The following ABCA1 variants were observed in gnomAD, a reference collection of about 807,000 sequenced individuals.
ABCA1 encodes the protein ATP binding cassette subfamily A member 1.
Under a neutral mutation model 262.5 loss-of-function variants are expected in ABCA1, and 133 were observed. The observed-to-expected ratio is 0.51, with a 90% CI of 0.44 to 0.59. The LOEUF (loss-of-function observed/expected upper bound fraction) is 0.59. Among genes scored for constraint, ABCA1 ranks in the 20% least tolerant of loss-of-function variants. ABCA1 has a pLI of 0.00. For synonymous variants in ABCA1, 1,022 were observed against 1,043.5 expected, an observed-to-expected ratio of 0.98 and a Z score of 0.40; for missense variants, 2,452 against 2,777.5, an observed-to-expected ratio of 0.88 and a Z score of 2.63.
chr9:104,788,551 G>T lies in ABCA1; in HGVS notation c.5944C>A (p.His1982Asn). The T allele has an allele frequency of 6.2e-7, 1 of 1,614,146 alleles. No homozygotes were observed. The highest frequency in any genetic ancestry group is 8.5e-7 in the Non-Finnish European group (1 of 1,180,018). ...TAGCCCATGTTCTGATGTACTTCAT[G>T]GATGTTTGATAAGATACTGCAAAGG... ...LNKNSILSNI[H>N]EVHQNMGYCP... is the part of the protein sequence containing the mutation. The change falls in exon 45 of 50, where the codon CAT (histidine) becomes AAT (asparagine). Residue 1982 changes from histidine (H) to asparagine (N), a missense_variant. Around this residue, in one of 4 missense-constraint regions of ABCA1, gnomAD observed 752 missense variants for 944.5 expected, o/e 0.80. Transcript: ENST00000374736.
chr9:104,859,914 G>A (rs1008221779), intron 6 of ABCA1, among the ~76,000 whole-genome samples: 1 of 152,056 alleles, frequency 6.6e-6, no homozygotes, highest in African/African-American at 2.4e-5. Context: ...AATTAGCCAG[G>A]TGTGGTGGTG....
Position 104,796,256 on chromosome 9 carries a change from G to A in ABCA1, c.5237+53C>T, listed in dbSNP as rs1046426107. On this transcript the variant is annotated intron_variant, in intron 38 of 49. Coordinates refer to ENST00000374736, the MANE Select transcript of ABCA1 (RefSeq NM_005502.4). ...GAGTCCCTGCCCTCCTTCTGACACT[G>A]GGCACCAAATGCCTTATCCACTGTG... 6.4e-5 allele frequency: 103 copies of A among 1,613,738 alleles called. 1 individual carries two copies. In the Middle Eastern group the frequency reaches 8.2e-4, roughly 13 times the overall value.
rs1832658639 is a variant in ABCA1, at chr9:104,824,578, C to T, written c.2543G>A (p.Gly848Asp). The change falls in exon 18 of 50, where the codon GGC becomes GAC. Residue 848 changes from glycine to aspartate, a missense_variant and splice_region_variant. Gly to Asp is a moderately conservative substitution (Grantham distance 94, BLOSUM62 -1). Around this residue, in one of 4 missense-constraint regions of ABCA1, gnomAD observed 1,032 missense variants for 1,089.7 expected, o/e 0.95. Coordinates refer to ENST00000374736, the MANE Select transcript of ABCA1 (RefSeq NM_005502.4). Reference sequence around the variant, plus strand: ...CCAGGGCCTGGGAATTCCGTACTGGCCTGAAAGCAAAGCACAGGTATGAGC... The same window carrying T: ...CCAGGGCCTGGGAATTCCGTACTGGTCTGAAAGCAAAGCACAGGTATGAGC... ...MTWYIEAVFPGQYGIPRPWYF... is the reference protein window; with the variant it reads ...MTWYIEAVFPDQYGIPRPWYF... 6.2e-7 allele frequency: 1 copy of T among 1,613,342 alleles called. No homozygotes were observed. The highest frequency in any genetic ancestry group is 1.7e-5 in the Admixed American group (1 of 59,988).
At chr9:104,920,236 T>A (rs2791952) in intron 1 of ABCA1, among the ~76,000 whole-genome samples, 2 of 152,328 alleles carry the variant, frequency 1.3e-5, no homozygotes, top group Admixed American at 6.5e-5. Flanking sequence ...ATGTGTATTT[T>A]TTCTGAAGAG....
At chr9:104,913,761 C>T (rs926722005) in intron 1 of ABCA1, among the ~76,000 whole-genome samples, 2 of 151,994 alleles carry the variant, frequency 1.3e-5, no homozygotes, top group Admixed American at 6.6e-5. Context: ...TAGCACACTG[C>T]CACCTCCCTA....
At chr9:104,784,539 A>C (rs563191776) in intron 49 of ABCA1, 84 bp from the exon 50 acceptor site, 1 of 1,539,108 alleles carries the variant, frequency 6.5e-7, no homozygotes, top group African/African-American at 1.4e-5. Flanking sequence ...CAGATGTTGA[A>C]ATTAGGTCAA....
At chr9:104,855,892 A>G in intron 7 of ABCA1, 1 of 1,612,910 alleles carries the variant, frequency 6.2e-7, no homozygotes, top group Non-Finnish European at 8.5e-7. Context: ...AAACAGGGAA[A>G]CACTCACGCA....
intron 7 of ABCA1, chr9:104,855,997 A>T: frequency 6.2e-7 from 1 of 1,612,834 alleles, no homozygotes; most frequent in Non-Finnish European, 8.5e-7. Context: ...TCTCCCCATC[A>T]TGTTGGGCTT....
At chr9:104,880,753 T>C (rs1435515256) in intron 5 of ABCA1, among the ~76,000 whole-genome samples, 1 of 152,206 alleles carries the variant, frequency 6.6e-6, no homozygotes, top group African/African-American at 2.4e-5. Context: ...GACATAATAA[T>C]ACACTCAAAA....
chr9:104,916,919 G>T (rs10991410), intron 1 of ABCA1, among the ~76,000 whole-genome samples: 11,759 of 152,230 alleles, frequency 0.077, 738 homozygotes, highest in East Asian at 0.35. Flanking sequence ...TGGGACTTGG[G>T]TATTCAGTAG....
intron 7 of ABCA1, among the ~76,000 whole-genome samples, chr9:104,856,573 T>C (rs764233303): frequency 2.1e-4 from 32 of 152,228 alleles, no homozygotes; most frequent in Non-Finnish European, 4.0e-4. Flanking sequence ...AAACCTGAGC[T>C]GTTAATTATC....
In ABCA1 at chr9:104,863,173, CT is replaced by C. The variant is rs556581014; in HGVS notation, c.422-1374del. 1.9e-3 allele frequency among the ~76,000 whole-genome samples: 292 copies of C among 152,218 alleles called. 2 individuals carry two copies. In the Middle Eastern group the frequency reaches 0.02, roughly 11 times the overall value. On this transcript the variant is annotated intron_variant, in intron 5 of 49. Coordinates refer to ENST00000374736, the MANE Select transcript of ABCA1 (RefSeq NM_005502.4). ...TGTGTCTGGTGGCGTCCCTGCGTACCTCATGTCATCTTTCTGAACCTCAATT... is the reference window on the plus strand; with the variant it reads ...TGTGTCTGGTGGCGTCCCTGCGTACCCATGTCATCTTTCTGAACCTCAATT...
Position 104,822,650 on chromosome 9 carries a change from G to T in ABCA1, c.2674C>A (p.Pro892Thr). The change falls in exon 19 of 50, where the codon CCC (proline) becomes ACC (threonine). Residue 892 changes from proline to threonine, a missense_variant. Transcript: ENST00000374736. ...RISEICMEEEPTHLKLGVSIQ... is the reference protein window; with the variant it reads ...RISEICMEEETTHLKLGVSIQ... ...GACACGCCCAGCTTCAAGTGGGTGG[G>T]TTCCTCCTCCATGCAGACTGTGACA... is the stretch of plus-strand genomic sequence containing the variant. The T allele has an allele frequency of 6.2e-7, 1 of 1,614,102 alleles. No individual in the cohort carries two copies. The highest frequency in any genetic ancestry group is 8.5e-7 in the Non-Finnish European group (1 of 1,180,012).
At chr9:104,898,196 CCCAAGAGTCA>C (rs1445268884) in intron 2 of ABCA1, among the ~76,000 whole-genome samples, 1 of 152,136 alleles carries the variant, frequency 6.6e-6, no homozygotes, top group African/African-American at 2.4e-5. Flanking sequence ...TTCCCTCTAT[CCCAAGAGTCA>C]CCAGACAATG....
chr9:104,790,839 G>T, intron 44 of ABCA1, 83 bp downstream of exon 44: 1 of 971,722 alleles, frequency 1.0e-6, no homozygotes, highest in Non-Finnish European at 1.6e-6. Context: ...AAATACCACT[G>T]TAATCAAAAA....
intron 7 of ABCA1, chr9:104,855,484 T>G (rs1449615677): frequency 3.8e-6 from 2 of 526,848 alleles, no homozygotes; most frequent in Non-Finnish European, 6.1e-6. Flanking sequence ...TTACAACAGA[T>G]GTGAGCCACT....
At position 104,798,614 on chromosome 9, in the gene ABCA1, G is replaced by T; in HGVS notation, c.4944-16C>A. 3 of 1,612,460 alleles carry T rather than the reference G, an allele frequency of 1.9e-6. No individual in the cohort carries two copies. Among genetic ancestry groups the T allele is most frequent in the East Asian group, 4.5e-5 (2 of 44,836 alleles). Reference sequence around the variant, plus strand: ...TGTGGTCATCCTGGAGAGAAAAAGCGTGTGAAAATCTGAGGGGTCTTTGAT... The same window carrying T: ...TGTGGTCATCCTGGAGAGAAAAAGCTTGTGAAAATCTGAGGGGTCTTTGAT... On this transcript the variant is annotated splice_polypyrimidine_tract_variant and intron_variant, in intron 36 of 49. Transcript: ENST00000374736.
At chr9:104,829,175 G>C (rs1164849301) in intron 14 of ABCA1, 37 bp from the exon 15 acceptor site, 1 of 1,609,410 alleles carries the variant, frequency 6.2e-7, no homozygotes, top group South Asian at 1.1e-5. Context: ...GAGAAAGAAA[G>C]ACACACGTGA....
chr9:104,796,162 A>G lies in ABCA1; in HGVS notation c.5273T>C (p.Phe1758Ser). 6.2e-7 allele frequency: 1 copy of G among 1,614,102 alleles called. No individual in the cohort carries two copies. Among genetic ancestry groups the G allele is most frequent in the Non-Finnish European group, 8.5e-7 (1 of 1,180,032 alleles). ...SITPLMYPAS[F>S]VFKIPSTAYV... ...GGCTGTGCTGGGGATCTTGAACACAAAGGAGGCTGGGTACATGAGAGGTGT... is the reference window on the plus strand; with the variant it reads ...GGCTGTGCTGGGGATCTTGAACACAGAGGAGGCTGGGTACATGAGAGGTGT... Residue 1758 changes from phenylalanine (F) to serine (S), a missense_variant, in exon 39 of 50, where the codon TTT (phenylalanine) becomes TCT (serine). This residue lies in a region of ABCA1 where 752 missense variants were observed against 944.5 expected (regional missense o/e 0.80). Coordinates refer to ENST00000374736, the MANE Select transcript of ABCA1 (RefSeq NM_005502.4).
Sources: allele counts gnomAD v4.1 joint callset (sites outside exome capture counted in the v4.1 genomes callset), GRCh38; gene constraint gnomAD v4.1.1; regional missense constraint gnomAD v4.1.1; transcripts MANE v1.5; gene names NCBI Gene and HGNC (gene_info 2026-07-23, HGNC 2026-07-21).